The following MACROD2 variants were observed in gnomAD, a reference collection of about 807,000 sequenced individuals.
The protein encoded by MACROD2 is mono-ADP ribosylhydrolase 2, also known as ADP-ribose glycohydrolase MACROD2.
A neutral mutation model predicts 70.4 loss-of-function variants in MACROD2; 36 were observed. The observed-to-expected ratio is 0.51, with a 90% CI of 0.39 to 0.68. The LOEUF (loss-of-function observed/expected upper bound fraction) is 0.68. MACROD2 is among the 30% of genes least tolerant of loss of function. MACROD2 has a pLI of 0.00. For synonymous variants in MACROD2, 172 were observed against 178.8 expected, an observed-to-expected ratio of 0.96 and a Z score of 0.30; for missense variants, 496 against 538.4, an observed-to-expected ratio of 0.92 and a Z score of 0.78.
intron 5 of MACROD2, among the ~76,000 whole-genome samples, chr20:14,742,813 C>T (rs935056368): frequency 2.0e-5 from 3 of 151,134 alleles, no homozygotes; most frequent in Non-Finnish European, 4.4e-5. Context: ...GTCGCCCAGG[C>T]TGGAGTGCAG....
intron 8 of MACROD2, among the ~76,000 whole-genome samples, chr20:15,770,084 ATTTTCTTTTTTTT>A (rs1439489410): frequency 8.0e-6 from 1 of 125,704 alleles, no homozygotes; most frequent in African/African-American, 3.3e-5. Flanking sequence ...ATTTATTTTA[ATTTTCTTTTTTTT>A]TTTTTTTTTT....
At chr20:14,942,576 C>T (rs569832230) in intron 5 of MACROD2, among the ~76,000 whole-genome samples, 4 of 152,246 alleles carry the variant, frequency 2.6e-5, no homozygotes, top group Admixed American at 2.6e-4. Context: ...TTTCAGGATA[C>T]GTAACAAATC....
At chr20:16,005,781 T>C (rs2147515581) in intron 15 of MACROD2, among the ~76,000 whole-genome samples, 1 of 152,342 alleles carries the variant, frequency 6.6e-6, no homozygotes, top group Admixed American at 6.5e-5. Flanking sequence ...TTGTGTGTCC[T>C]GCCTTTCCCA....
intron 5 of MACROD2, among the ~76,000 whole-genome samples, chr20:15,049,987 G>A (rs369704220): frequency 6.6e-6 from 1 of 151,848 alleles, no homozygotes; most frequent in African/African-American, 2.4e-5. Context: ...GCATATTTTG[G>A]TCTTGTCTTC....
intron 6 of MACROD2, among the ~76,000 whole-genome samples, chr20:15,342,765 G>A (rs1957032541): frequency 6.6e-6 from 1 of 152,158 alleles, no homozygotes; most frequent in African/African-American, 2.4e-5. Flanking sequence ...GTGGGGAGGG[G>A]AGTTTTCGGA....
At chr20:14,455,448 A>G (rs1470483652) in intron 3 of MACROD2, among the ~76,000 whole-genome samples, 2 of 151,912 alleles carry the variant, frequency 1.3e-5, no homozygotes, top group South Asian at 2.1e-4. Flanking sequence ...CAATCTTTGT[A>G]AGCCTCTCAT....
intron 8 of MACROD2, among the ~76,000 whole-genome samples, chr20:15,551,887 G>C (rs1386523019): frequency 8.2e-6 from 1 of 121,512 alleles, no homozygotes; most frequent in South Asian, 2.7e-4. Flanking sequence ...AAAAAAAAAA[G>C]AATATTTTAT....
chr20:14,207,918 C>T (rs1289192382), intron 3 of MACROD2, among the ~76,000 whole-genome samples: 3 of 152,176 alleles, frequency 2.0e-5, no homozygotes, highest in Non-Finnish European at 4.4e-5. Context: ...TTTCAAATGC[C>T]AGCCAAGGTA....
intron 5 of MACROD2, among the ~76,000 whole-genome samples, chr20:14,855,888 A>G (rs1330750188): frequency 6.6e-6 from 1 of 152,126 alleles, no homozygotes. Flanking sequence ...ATATAGTTAA[A>G]TAGAAATATC....
At chr20:14,673,681 G>C (rs553289282) in intron 4 of MACROD2, among the ~76,000 whole-genome samples, 8 of 152,248 alleles carry the variant, frequency 5.3e-5, no homozygotes, top group African/African-American at 1.9e-4. Flanking sequence ...CACTTTGGGA[G>C]GCTGAAGCAG....
chr20:15,075,507 AATCAG>A (rs2075651008), intron 5 of MACROD2, among the ~76,000 whole-genome samples: 1 of 152,166 alleles, frequency 6.6e-6, no homozygotes, highest in African/African-American at 2.4e-5. Context: ...GGGCTGTTTA[AATCAG>A]TTCCTTGTAA....
chr20:15,226,690 G>A (rs536035274), intron 5 of MACROD2, among the ~76,000 whole-genome samples: 8 of 152,216 alleles, frequency 5.3e-5, no homozygotes, highest in African/African-American at 1.9e-4. Context: ...GCTTAACCAT[G>A]TCTCAGATCA....
At chr20:15,195,615 G>T (rs192443260) in intron 5 of MACROD2, among the ~76,000 whole-genome samples, 1 of 152,166 alleles carries the variant, frequency 6.6e-6, no homozygotes, top group African/African-American at 2.4e-5. Flanking sequence ...AAAAAGGAAC[G>T]CTGTTACACT....
intron 5 of MACROD2, among the ~76,000 whole-genome samples, chr20:14,774,755 G>A (rs1313453065): frequency 6.6e-6 from 1 of 152,078 alleles, no homozygotes; most frequent in African/African-American, 2.4e-5. Context: ...CTACACATAT[G>A]ATAAAAGTTG....
chr20:14,081,505 A>G (rs1446277576), intron 2 of MACROD2, among the ~76,000 whole-genome samples: 3 of 152,202 alleles, frequency 2.0e-5, no homozygotes, highest in South Asian at 2.1e-4. Context: ...TCAGCTTGCA[A>G]TTGTATAAAA....
intron 7 of MACROD2, among the ~76,000 whole-genome samples, chr20:15,467,770 A>T (rs1851414224): frequency 6.6e-6 from 1 of 152,196 alleles, no homozygotes; most frequent in South Asian, 2.1e-4. Context: ...TCATTCCACA[A>T]ATGTTTATTT....
chr20:14,643,068 A>AT (rs1276305781), intron 4 of MACROD2, among the ~76,000 whole-genome samples: 1 of 152,134 alleles, frequency 6.6e-6, no homozygotes, highest in African/African-American at 2.4e-5. Flanking sequence ...AAACATTAGT[A>AT]TTTTTACTGT....
intron 8 of MACROD2, among the ~76,000 whole-genome samples, chr20:15,577,951 G>A (rs552117893): frequency 6.6e-6 from 1 of 152,252 alleles, no homozygotes; most frequent in African/African-American, 2.4e-5. Context: ...ATTAGCAAAG[G>A]TAATATATTG....
At chr20:14,186,905 T>C (rs902197980) in intron 3 of MACROD2, among the ~76,000 whole-genome samples, 2 of 152,044 alleles carry the variant, frequency 1.3e-5, no homozygotes, top group African/African-American at 2.4e-5. Flanking sequence ...TATGTACACA[T>C]GGACATAAAG....
Sources: allele counts gnomAD v4.1 joint callset (sites outside exome capture counted in the v4.1 genomes callset), GRCh38; gene constraint gnomAD v4.1.1; transcripts MANE v1.5; gene names NCBI Gene and HGNC (gene_info 2026-07-23, HGNC 2026-07-21).